KDM2B: variants seen among roughly 807,000 people sequenced by gnomAD.
KDM2B encodes the protein lysine demethylase 2B, also known as lysine-specific demethylase 2B.
KDM2B carries 26 observed loss-of-function variants against 150.0 expected under a neutral mutation model. That is an observed-to-expected ratio of 0.17 (90% confidence interval 0.13 to 0.24). The LOEUF (loss-of-function observed/expected upper bound fraction) is 0.24. KDM2B is among the 10% of genes least tolerant of loss of function. The pLI is 1.00. For missense variants in KDM2B, 1,265 were observed against 1,816.9 expected (o/e 0.70, Z 5.52); for synonymous variants, 734 against 729.5 (o/e 1.01, Z -0.10).
At chr12:121,503,193 G>C (rs1005542061) in intron 11 of KDM2B, among the ~76,000 whole-genome samples, 2 of 151,930 alleles carry the variant, frequency 1.3e-5, no homozygotes, top group Non-Finnish European at 2.9e-5. Context: ...TGCCAAGCTA[G>C]TCTCGAACTT....
Position 121,440,083 on chromosome 12 carries a change from G to C in KDM2B, c.3611-8C>G, listed in dbSNP as rs1555287833. On this transcript the variant is annotated splice_region_variant and splice_polypyrimidine_tract_variant and intron_variant, in intron 21 of 22. Transcript: ENST00000377071. ...TCCGATTGTCCATCTGACCTGGTGG[G>C]GCAGGAAGGAGGGGGCAACCCGTCA... is the stretch of plus-strand genomic sequence containing the variant. The C allele has an allele frequency of 1.3e-6, 2 of 1,589,400 alleles. No individual in the cohort carries two copies. Among genetic ancestry groups the C allele is most frequent in the Non-Finnish European group, 1.7e-6 (2 of 1,168,396 alleles).
At chr12:121,477,002 ACAT>A (rs1881459179) in intron 12 of KDM2B, among the ~76,000 whole-genome samples, 1 of 152,198 alleles carries the variant, frequency 6.6e-6, no homozygotes. Flanking sequence ...GCTCTGCCAA[ACAT>A]CGCCAGCTAA....
chr12:121,532,999 C>A, intron 7 of KDM2B, 40 bp from the exon 8 acceptor site: 3 of 1,610,814 alleles, frequency 1.9e-6, no homozygotes, highest in Non-Finnish European at 2.5e-6. Context: ...AGACCCAGGC[C>A]CAGACAAGAC....
chr12:121,487,413 G>A (rs1328044378), intron 12 of KDM2B, among the ~76,000 whole-genome samples: 13 of 152,244 alleles, frequency 8.5e-5, no homozygotes, highest in African/African-American at 3.1e-4. Flanking sequence ...GGAGGCCCAG[G>A]TTTCTCTTCG....
chr12:121,451,679 A>C (rs184200543), intron 13 of KDM2B, among the ~76,000 whole-genome samples: 1,590 of 152,298 alleles, frequency 0.01, 13 homozygotes, highest in Non-Finnish European at 0.016. Flanking sequence ...TTGGAGGCCG[A>C]GGTGGGTAGA....
the KDM2B span, chr12:121,420,354 T>G: frequency 6.4e-7 from 1 of 1,555,594 alleles, no homozygotes; most frequent in South Asian, 1.2e-5. Flanking sequence ...CCTATAAAAT[T>G]TGGTTTCCCT....
Position 121,440,293 on chromosome 12 carries a change from G to T in KDM2B, c.3611-218C>A, listed in dbSNP as rs1432104391. The T allele has an allele frequency of 6.9e-6, 4 of 578,168 alleles. No individual in the cohort carries two copies. In the East Asian group the frequency reaches 1.2e-4, roughly 17 times the overall value. 35.8% of individuals were successfully genotyped at this position (578,168 alleles called of 1,614,324 possible). A position where few individuals can be genotyped will look rare whatever the true frequency, so the allele number is the denominator to read the frequency against. Reference sequence around the variant, plus strand: ...TTCTCTTGAAAAACTAAAAGACCTAGAAACACTATGCCCACATTCCACCCA... The same window carrying T: ...TTCTCTTGAAAAACTAAAAGACCTATAAACACTATGCCCACATTCCACCCA... On this transcript the variant is annotated intron_variant, in intron 21 of 22. Coordinates refer to ENST00000377071, the MANE Select transcript of KDM2B (RefSeq NM_032590.5).
In KDM2B at chr12:121,578,929, C is replaced by T. The variant is rs782002302; in HGVS notation, c.144G>A (p.Gln48=). 1 of 1,612,622 alleles carries T rather than the reference C, an allele frequency of 6.2e-7. No homozygotes were observed. The highest frequency in any genetic ancestry group is 8.5e-7 in the Non-Finnish European group (1 of 1,179,542). The change falls in exon 2 of 23, where the codon CAG becomes CAA. Residue 48 remains glutamine (Q), a synonymous_variant. Coordinates refer to ENST00000377071, the MANE Select transcript of KDM2B (RefSeq NM_032590.5). ...ACAAGTCCTCGTTCTCGTCGTATCG[C>T]TGGCGGTCAATCGGGCGCTGCGAGG... ...ESATQRPIDR[Q]RYDENEDLSD... is the part of the protein sequence containing the mutation.
chr12:121,466,789 C>A (rs1380501107), intron 12 of KDM2B, among the ~76,000 whole-genome samples: 2 of 146,390 alleles, frequency 1.4e-5, no homozygotes, highest in African/African-American at 4.9e-5. Context: ...GCGCGTGGGC[C>A]GCGGGCGAGG....
chr12:121,510,104 C>A, intron 10 of KDM2B, 65 bp from the exon 11 acceptor site: 3 of 1,354,402 alleles, frequency 2.2e-6, no homozygotes, highest in Non-Finnish European at 3.0e-6. Context: ...GTCTTTGGAA[C>A]CTCCACTCAC....
rs781834565 is a variant in KDM2B at position 121,444,199 on chromosome 12, C to T, written c.2264G>A (p.Arg755Gln). 2.5e-6 allele frequency: 4 copies of T among 1,613,076 alleles called. No individual in the cohort carries two copies. Among genetic ancestry groups the T allele is most frequent in the African/African-American group, 1.3e-5 (1 of 74,956 alleles). Residue 755 changes from arginine to glutamine, a missense_variant, in exon 16 of 23, where the codon CGG (arginine) becomes CAG (glutamine). Physicochemically the swap from Arg to Gln is conservative, Grantham distance 43 (BLOSUM62 1). Coordinates refer to ENST00000377071, the MANE Select transcript of KDM2B (RefSeq NM_032590.5). ...AGGTTCCTGCCCTTCCTTGTTGTCC[C>T]GGTTCATCTTCTGCTCCTTGAGCAG... ...GSLLKEQKMN[R>Q]DNKEGQEPAK...
the KDM2B span, chr12:121,416,500 A>C: frequency 1.4e-6 from 1 of 700,224 alleles, no homozygotes; most frequent in Non-Finnish European, 2.4e-6. Flanking sequence ...TAGTTCCATT[A>C]GCCATTTTCC....
rs1555305641 is a variant in KDM2B at position 121,520,290 on chromosome 12, C to T, written c.1047+695G>A. On this transcript the variant is annotated intron_variant, in intron 9 of 22. Coordinates refer to ENST00000377071, the MANE Select transcript of KDM2B (RefSeq NM_032590.5). This position sits in a 1 kb window ranked among gnomAD's most constrained non-coding sequence, Gnocchi z 4.5. ...GAAAGGCCATGGCAAGTTCAGGCCA[C>T]TTGTCCTTTTCAGGGGACACTTGTG... is the stretch of plus-strand genomic sequence containing the variant. Among the ~76,000 whole-genome samples the T allele has an allele frequency of 6.6e-6, 1 of 152,152 alleles. No homozygotes were observed. The highest frequency in any genetic ancestry group is 1.9e-4 in the East Asian group (1 of 5,198).
At chr12:121,463,113 G>A (rs545210320) in intron 12 of KDM2B, among the ~76,000 whole-genome samples, 21 of 151,568 alleles carry the variant, frequency 1.4e-4, no homozygotes, top group African/African-American at 3.6e-4. Context: ...TCAGGAGTTC[G>A]AGACCAGCCT....
intron 22 of KDM2B, among the ~76,000 whole-genome samples, chr12:121,431,432 C>T (rs549556114): frequency 2.7e-5 from 4 of 150,926 alleles, no homozygotes; most frequent in Admixed American, 6.6e-5. Flanking sequence ...TACAGGCTTG[C>T]GCTACTGTGC....
In KDM2B at chr12:121,520,896, G is replaced by A; in HGVS notation, c.1047+89C>T. ...TCGGGAGGGAGAGGGGAACTGTGGA[G>A]GACTTCAGTATGACCTGTCCCACAC... On this transcript the variant is annotated intron_variant, in intron 9 of 22. Transcript: ENST00000377071. The surrounding 1 kb of genome is among the most constrained non-coding windows in gnomAD (Gnocchi z 4.5). 1 of 929,040 alleles carries A rather than the reference G, an allele frequency of 1.1e-6. No homozygotes were observed. Among genetic ancestry groups the A allele is most frequent in the Non-Finnish European group, 1.7e-6 (1 of 582,364 alleles). The allele number at this position is 929,040 out of a possible 1,614,324, so 57.5% of individuals were successfully genotyped here. A position where few individuals can be genotyped will look rare whatever the true frequency, so the allele number is the denominator to read the frequency against.
chr12:121,443,980 C>A (rs753338804), intron 16 of KDM2B, 32 bp downstream of exon 16: 2 of 1,579,098 alleles, frequency 1.3e-6, no homozygotes, highest in South Asian at 2.4e-5. Flanking sequence ...CCAGACCAAC[C>A]CCTTTGCCTC....
chr12:121,440,787 CCACAGAAACCCCCAGCCT>C lies in KDM2B; in HGVS notation c.3610+11_3610+28del. 6.3e-7 allele frequency: 1 copy of C among 1,582,248 alleles called. No homozygotes were observed. ...ACAGTCTAGCTCGCTCACCCCACCCCCACAGAAACCCCCAGCCTGGCAACTCACCTGGCCTGTTGTCTG... is the reference window on the plus strand; with the variant it reads ...ACAGTCTAGCTCGCTCACCCCACCCCGGCAACTCACCTGGCCTGTTGTCTG... On this transcript the variant is annotated intron_variant, in intron 21 of 22. Transcript: ENST00000377071.
At chr12:121,531,458 C>T (rs1387950302) in intron 8 of KDM2B, among the ~76,000 whole-genome samples, 5 of 152,138 alleles carry the variant, frequency 3.3e-5, no homozygotes, top group Non-Finnish European at 5.9e-5. Context: ...TCTTGGTGGC[C>T]TCAAAGGATA....
Sources: gnomAD v4.1 joint callset for allele counts (sites outside exome capture counted in the v4.1 genomes callset) on GRCh38, gnomAD v4.1.1 for gene constraint, Gnocchi (gnomAD v3.1) non-coding constraint, MANE v1.5 for transcripts, NCBI Gene and HGNC (gene_info 2026-07-23, HGNC 2026-07-21) for gene names.